The following VOPP1 variants were observed in gnomAD, a reference collection of about 807,000 sequenced individuals.
VOPP1 encodes VOPP1 WW domain binding protein.
In VOPP1, 8 loss-of-function variants were observed where a neutral mutation model predicts 23.5. The ratio of observed to expected loss-of-function variants is 0.34; its 90% CI spans 0.20 to 0.61. VOPP1 has a LOEUF of 0.61. Among genes scored for constraint, VOPP1 ranks in the 20% least tolerant of loss-of-function variants. The probability of loss-of-function intolerance (pLI) is 0.78; values close to 1 mark genes in which losing one functional copy is unlikely to be tolerated. For synonymous variants in VOPP1, 83 were observed against 97.3 expected (o/e 0.85, Z 0.86); for missense variants, 174 against 238.1 (o/e 0.73, Z 1.77).
chr7:55,450,823 C>A (rs887648552), intron 4 of VOPP1, among the ~76,000 whole-genome samples: 2 of 152,238 alleles, frequency 1.3e-5, no homozygotes, highest in African/African-American at 4.8e-5. Flanking sequence ...TGTTATCAAT[C>A]TTCTGTTCCC....
chr7:55,460,074 TA>T (rs56077024), intron 4 of VOPP1, among the ~76,000 whole-genome samples: 134,916 of 152,084 alleles, frequency 0.89, 60,042 homozygotes, highest in African/African-American at 0.92. Flanking sequence ...TCTATTTTCA[TA>T]TTAAATATTT....
chr7:55,564,243 G>GTCTCTGTCTCTC lies in VOPP1; in HGVS notation c.54+8027_54+8028insGAGAGACAGAGA, dbSNP rs1554302403. On this transcript the variant is annotated intron_variant, in intron 1 of 4. Coordinates refer to ENST00000285279, the MANE Select transcript of VOPP1 (RefSeq NM_030796.5). ...CAACACACTCTTTCTCTCTGTCTCT[G>GTCTCTGTCTCTC]TCTCTCTCTCTCTCTCTCTCTCTCG... 2.4e-3 allele frequency among the ~76,000 whole-genome samples: 304 copies of GTCTCTGTCTCTC among 125,986 alleles called. 3 individuals are homozygous for GTCTCTGTCTCTC. The highest frequency in any genetic ancestry group is 4.0e-3 in the African/African-American group (124 of 31,370). 82.7% of individuals were successfully genotyped at this position (125,986 alleles called of 152,430 possible). A position where few individuals can be genotyped will look rare whatever the true frequency, so the allele number is the denominator to read the frequency against.
At chr7:55,514,088 A>G (rs1795253358) in intron 2 of VOPP1, among the ~76,000 whole-genome samples, 1 of 152,164 alleles carries the variant, frequency 6.6e-6, no homozygotes, top group African/African-American at 2.4e-5. Context: ...CCTTTCTCAC[A>G]TCATCATGTC....
chr7:55,502,082 C>T (rs1008957895), intron 2 of VOPP1, among the ~76,000 whole-genome samples: 1 of 152,264 alleles, frequency 6.6e-6, no homozygotes, highest in African/African-American at 2.4e-5. Flanking sequence ...TGCTAAAATG[C>T]TTCCCTTTCA....
intron 2 of VOPP1, among the ~76,000 whole-genome samples, chr7:55,505,677 GGGAGGGAGGGAGGGAGGGA>G: frequency 8.3e-6 from 1 of 121,174 alleles, no homozygotes; most frequent in African/African-American, 3.4e-5. Context: ...GAGGGAGGGA[GGGAGGGAGGGAGGGAGGGA>G]GGGAGGGAAG....
chr7:55,496,643 C>G (rs79655676), intron 3 of VOPP1, among the ~76,000 whole-genome samples: 1,675 of 152,300 alleles, frequency 0.011, 11 homozygotes, highest in Middle Eastern at 0.02. Flanking sequence ...AGAACATCCT[C>G]GTCACCCAAC....
chr7:55,495,049 C>CG (rs1793857091), intron 3 of VOPP1, among the ~76,000 whole-genome samples: 1 of 152,126 alleles, frequency 6.6e-6, no homozygotes, highest in South Asian at 2.1e-4. Flanking sequence ...TTCCTCCCCC[C>CG]GACCCCCCAG....
chr7:55,553,455 A>C (rs1442505040), intron 1 of VOPP1, among the ~76,000 whole-genome samples: 1 of 152,196 alleles, frequency 6.6e-6, no homozygotes, highest in Non-Finnish European at 1.5e-5. Context: ...GCTTGGCTGT[A>C]AACTCCAATT....
intron 4 of VOPP1, among the ~76,000 whole-genome samples, chr7:55,451,470 G>C (rs958179414): frequency 6.6e-6 from 1 of 152,140 alleles, no homozygotes; most frequent in African/African-American, 2.4e-5. Flanking sequence ...ATGTCTAAAA[G>C]CCACAATGTA....
intron 2 of VOPP1, among the ~76,000 whole-genome samples, chr7:55,512,773 G>C (rs1795164559): frequency 6.6e-6 from 1 of 152,212 alleles, no homozygotes; most frequent in Non-Finnish European, 1.5e-5. Context: ...GCTCAGCGAA[G>C]GAGTCCAGCT....
chr7:55,497,500 C>G, intron 3 of VOPP1, 113 bp downstream of exon 3: 1 of 996,048 alleles, frequency 1.0e-6, no homozygotes. Flanking sequence ...CAAGGCTGTC[C>G]TTGAGGCCAC....
At chr7:55,435,754 G>A (rs1447497194), downstream of VOPP1, among the ~76,000 whole-genome samples, 1 of 152,242 alleles carries the variant, frequency 6.6e-6, no homozygotes, top group Non-Finnish European at 1.5e-5. Flanking sequence ...TCACAAATCT[G>A]ACTGTTCCCA....
intron 1 of VOPP1, among the ~76,000 whole-genome samples, chr7:55,535,404 C>T (rs1387280905): frequency 1.3e-5 from 2 of 152,194 alleles, no homozygotes; most frequent in South Asian, 2.1e-4. Context: ...GCAGGCTCCC[C>T]CTGGAAACCC....
intron 4 of VOPP1, among the ~76,000 whole-genome samples, chr7:55,480,925 A>G (rs529674585): frequency 2.0e-5 from 3 of 152,370 alleles, no homozygotes; most frequent in African/African-American, 7.2e-5. Context: ...TGAGCAAGGT[A>G]AGAAAAATAG....
chr7:55,521,438 A>G (rs1317685463), intron 1 of VOPP1: 12 of 735,482 alleles, frequency 1.6e-5, no homozygotes, highest in Non-Finnish European at 2.0e-5. Context: ...ATGATACTTC[A>G]GATTACAAAA....
chr7:55,572,216 G>A, intron 1 of VOPP1, 55 bp downstream of exon 1: 1 of 1,455,554 alleles, frequency 6.9e-7, no homozygotes, highest in African/African-American at 1.5e-5. Context: ...CGCGCCCCCA[G>A]CCGCCAGCAT....
rs189828338 is a variant in VOPP1 at position 55,559,884 on chromosome 7, T to C, written c.54+12387A>G. On this transcript the variant is annotated intron_variant, in intron 1 of 4. Transcript: ENST00000285279. ...AAAAACCTTTACTGGCCAGGCGCAG[T>C]GTCTCATGCCTGTAATCCCAGCACC... 2.6e-5 allele frequency among the ~76,000 whole-genome samples: 4 copies of C among 152,322 alleles called. No homozygotes were observed. In the East Asian group the frequency reaches 5.8e-4, roughly 22 times the overall value.
At chr7:55,567,003 T>C (rs577278943) in intron 1 of VOPP1, among the ~76,000 whole-genome samples, 2 of 152,306 alleles carry the variant, frequency 1.3e-5, no homozygotes, top group South Asian at 2.1e-4. Context: ...CCCCTCAATA[T>C]TACAGAAAAC....
At chr7:55,456,323 A>C (rs1395167222) in intron 4 of VOPP1, among the ~76,000 whole-genome samples, 1 of 152,232 alleles carries the variant, frequency 6.6e-6, no homozygotes, top group East Asian at 1.9e-4. Context: ...GATGTGGAGA[A>C]ATAGGAATGC....
Sources: gnomAD v4.1 joint callset for allele counts (sites outside exome capture counted in the v4.1 genomes callset) on GRCh38, gnomAD v4.1.1 for gene constraint, MANE v1.5 for transcripts, NCBI Gene and HGNC (gene_info 2026-07-23, HGNC 2026-07-21) for gene names.